Variants in FHOD3 observed in about 807,000 individuals in gnomAD.
FHOD3 encodes formin homology 2 domain containing 3, also known as FH1/FH2 domain-containing protein 3.
Under a neutral mutation model 173.0 loss-of-function variants are expected in FHOD3, and 90 were observed. That is an observed-to-expected ratio of 0.52 (90% CI 0.44 to 0.62). The LOEUF (loss-of-function observed/expected upper bound fraction) is 0.62, where lower values mean the gene tolerates loss of function less well. Ranked by LOEUF, FHOD3 falls within the 20% of genes least tolerant of loss-of-function variation. The pLI is 0.00. For missense variants in FHOD3, 1,945 were observed against 2,034.7 expected (o/e 0.96, Z 0.85); for synonymous variants, 828 against 823.0 (o/e 1.01, Z -0.10).
chr18:36,319,632 C>T lies in FHOD3; in HGVS notation c.165+21632C>T, dbSNP rs180804333. On this transcript the variant is annotated intron_variant, in intron 1 of 28. Coordinates refer to ENST00000590592, the MANE Select transcript of FHOD3 (RefSeq NM_001281740.3). Reference sequence around the variant, plus strand: ...GACTTGAACTCAGCTCTGGGCCAAGCGGACCTAATAGACATCTACAGGACT... The same window carrying T: ...GACTTGAACTCAGCTCTGGGCCAAGTGGACCTAATAGACATCTACAGGACT... 7.4e-3 allele frequency among the ~76,000 whole-genome samples: 1,130 copies of T among 152,240 alleles called. 21 individuals are homozygous for T. Among genetic ancestry groups the T allele is most frequent in the Admixed American group, 0.042 (646 of 15,280 alleles).
intron 1 of FHOD3, among the ~76,000 whole-genome samples, chr18:36,333,828 C>T (rs2045152708): frequency 6.6e-6 from 1 of 152,230 alleles, no homozygotes; most frequent in African/African-American, 2.4e-5. Context: ...TTGAGAACTG[C>T]TTCTCTATCC....
chr18:36,662,499 T>A (rs1268548707), intron 14 of FHOD3, among the ~76,000 whole-genome samples: 1 of 152,250 alleles, frequency 6.6e-6, no homozygotes, highest in Non-Finnish European at 1.5e-5. Flanking sequence ...ATGCCATTGT[T>A]TACTATAAAT....
intron 3 of FHOD3, among the ~76,000 whole-genome samples, chr18:36,419,964 T>C (rs964620734): frequency 8.5e-5 from 13 of 152,246 alleles, no homozygotes; most frequent in Admixed American, 3.9e-4. Context: ...TTGAGGAAGA[T>C]ACTGTATTGG....
Position 36,730,761 on chromosome 18 carries a change from T to C in FHOD3, c.3533T>C (p.Ile1178Thr). 1 of 1,614,196 alleles carries C rather than the reference T, an allele frequency of 6.2e-7. No homozygotes were observed. Among genetic ancestry groups the C allele is most frequent in the Non-Finnish European group, 8.5e-7 (1 of 1,180,026 alleles). ...LPPPRTIKIA[I>T]LNFDEYALNK... ...CCTCCAAGGACGATTAAGATCGCCA[T>C]TTTGAATTTTGATGAGTATGCCTTA... The change falls in exon 20 of 29, where the codon ATT (isoleucine) becomes ACT (threonine). Residue 1178 changes from isoleucine (I) to threonine (T), a missense_variant. Around this residue, in one of 5 missense-constraint regions of FHOD3, gnomAD observed 231 missense variants for 321.9 expected, o/e 0.72. Coordinates refer to ENST00000590592, the MANE Select transcript of FHOD3 (RefSeq NM_001281740.3).
chr18:36,603,872 G>A (rs1177502146), intron 8 of FHOD3, among the ~76,000 whole-genome samples: 2 of 152,188 alleles, frequency 1.3e-5, no homozygotes, highest in Non-Finnish European at 2.9e-5. Context: ...TAAGAAAATT[G>A]TTCACATGTC....
In FHOD3 at chr18:36,299,237, C is replaced by A. The variant is rs150852859; in HGVS notation, c.165+1237C>A. Among the ~76,000 whole-genome samples, 693 of 152,274 alleles carry A rather than the reference C, an allele frequency of 4.6e-3. 3 individuals carry two copies. Among genetic ancestry groups the A allele is most frequent in the African/African-American group, 0.016 (647 of 41,550 alleles). On this transcript the variant is annotated intron_variant, in intron 1 of 28. Transcript: ENST00000590592. ...AATAAGGAATGGGGCATTTCCATCT[C>A]ATTCTCTCCTGGTTGGTTCAGGACG...
At chr18:36,655,935 A>T (rs1448489073) in intron 13 of FHOD3, among the ~76,000 whole-genome samples, 1 of 152,222 alleles carries the variant, frequency 6.6e-6, no homozygotes, top group East Asian at 1.9e-4. Context: ...ATTTAAACAC[A>T]ATTTTAGCAA....
At chr18:36,309,122 TTG>T (rs2092182354) in intron 1 of FHOD3, among the ~76,000 whole-genome samples, 3 of 152,204 alleles carry the variant, frequency 2.0e-5, no homozygotes, top group African/African-American at 4.8e-5. Context: ...GGGGTGGGTA[TTG>T]GGGTCTTCTC....
intron 5 of FHOD3, among the ~76,000 whole-genome samples, chr18:36,558,599 G>A (rs1409185647): frequency 6.6e-6 from 1 of 152,118 alleles, no homozygotes; most frequent in Non-Finnish European, 1.5e-5. Context: ...GGAAACAGAT[G>A]TTACATACAC....
chr18:36,297,892 C>A lies in FHOD3; in HGVS notation c.57C>A (p.Ser19Arg). Reference sequence around the variant, plus strand: ...TGGACGACACGGACCCTTTCAACAGCACCAACTTCCCCGAGCCCAGCCGGC... The same window carrying A: ...TGGACGACACGGACCCTTTCAACAGAACCAACTTCCCCGAGCCCAGCCGGC... ...QFLDDTDPFN[S>R]TNFPEPSRPP... is the part of the protein sequence containing the mutation. The change falls in exon 1 of 29, where the codon AGC becomes AGA. Residue 19 changes from serine (S) to arginine (R), a missense_variant. By Grantham distance (110) the Ser-to-Arg change is moderately radical. Transcript: ENST00000590592. The A allele has an allele frequency of 3.2e-6, 5 of 1,559,150 alleles. No individual in the cohort carries two copies. Among genetic ancestry groups the A allele is most frequent in the Non-Finnish European group, 4.3e-6 (5 of 1,152,980 alleles).
intron 5 of FHOD3, among the ~76,000 whole-genome samples, chr18:36,572,515 T>C (rs1282553296): frequency 6.6e-6 from 1 of 152,200 alleles, no homozygotes; most frequent in African/African-American, 2.4e-5. Flanking sequence ...GTGGGAAAGA[T>C]TTGATTACCA....
intron 1 of FHOD3, among the ~76,000 whole-genome samples, chr18:36,329,403 T>C (rs1345601479): frequency 6.6e-6 from 1 of 152,172 alleles, no homozygotes; most frequent in Non-Finnish European, 1.5e-5. Context: ...TCTTCCCACC[T>C]GGAACCCACT....
intron 14 of FHOD3, among the ~76,000 whole-genome samples, chr18:36,677,195 G>C (rs1041631877): frequency 6.7e-6 from 1 of 150,074 alleles, no homozygotes; most frequent in African/African-American, 2.5e-5. Context: ...TTTTGCTTCT[G>C]TTGCCCAGGC....
Position 36,709,377 on chromosome 18 carries a change from G to C in FHOD3, c.2519G>C (p.Arg840Thr). Residue 840 changes from arginine to threonine, a missense_variant, in exon 18 of 29, where the codon AGG (arginine) becomes ACG (threonine). Arg to Thr is a moderately conservative substitution (Grantham distance 71). Around this residue, in one of 5 missense-constraint regions of FHOD3, gnomAD observed 1,099 missense variants for 1,051.2 expected, o/e 1.05. Coordinates refer to ENST00000590592, the MANE Select transcript of FHOD3 (RefSeq NM_001281740.3). ...GAGGAGAAGGAGGACAAGCTCTCCA[G>C]GGACAGGACAACTGGTAAATGAAGC... ...EREEKEDKLS[R>T]DRTTGLWPAG... 6.2e-7 allele frequency: 1 copy of C among 1,612,932 alleles called. No individual in the cohort carries two copies. The highest frequency in any genetic ancestry group is 8.5e-7 in the Non-Finnish European group (1 of 1,179,206).
chr18:36,451,822 A>G (rs1294618657), intron 3 of FHOD3, among the ~76,000 whole-genome samples: 1 of 152,184 alleles, frequency 6.6e-6, no homozygotes, highest in Non-Finnish European at 1.5e-5. Context: ...TTTGTCCGTC[A>G]TGTCATGGAT....
intron 18 of FHOD3, 39 bp downstream of exon 18, chr18:36,709,430 G>A (rs2040050703): frequency 6.3e-7 from 1 of 1,582,902 alleles, no homozygotes; most frequent in Non-Finnish European, 8.6e-7. Flanking sequence ...ATGTGCCAGG[G>A]AGGCCTGGGG....
chr18:36,512,612 T>G lies in FHOD3; in HGVS notation c.511+69T>G, dbSNP rs2055719466. 4 of 1,127,996 alleles carry G rather than the reference T, an allele frequency of 3.5e-6. No homozygotes were observed. The Admixed American group carries it at 5.5e-5, about 15-fold the overall frequency. 69.9% of individuals were successfully genotyped at this position (1,127,996 alleles called of 1,614,324 possible). Reference sequence around the variant, plus strand: ...GGGATCTGGGTTCACCTTCAGGAACTTAACTACTGAGAGCTTTTTAAAAGA... The same window carrying G: ...GGGATCTGGGTTCACCTTCAGGAACGTAACTACTGAGAGCTTTTTAAAAGA... On this transcript the variant is annotated intron_variant, in intron 5 of 28. Transcript: ENST00000590592.
Position 36,355,574 on chromosome 18 carries a change from C to G in FHOD3, c.201C>G (p.Gly67=), listed in dbSNP as rs755295066. ...GTACTCTGCAGCTCTCTCACAATGG[C>G]GCCTACCTGGATTTGGAGGCCACCC... is the stretch of plus-strand genomic sequence containing the variant. ...DDCTLQLSHN[G]AYLDLEATLA... is the part of the protein sequence containing the mutation. The change falls in exon 2 of 29, where the codon GGC becomes GGG. Residue 67 remains glycine (G), a synonymous_variant. Coordinates refer to ENST00000590592, the MANE Select transcript of FHOD3 (RefSeq NM_001281740.3). The G allele has an allele frequency of 6.2e-7, 1 of 1,614,128 alleles. No homozygotes were observed.
chr18:36,559,223 G>A (rs775124528), intron 5 of FHOD3, among the ~76,000 whole-genome samples: 1 of 152,150 alleles, frequency 6.6e-6, no homozygotes, highest in African/African-American at 2.4e-5. Flanking sequence ...TTTCAAAACT[G>A]TCCAGCGTTT....
Sources: allele counts gnomAD v4.1 joint callset (sites outside exome capture counted in the v4.1 genomes callset), GRCh38; gene constraint gnomAD v4.1.1; regional missense constraint gnomAD v4.1.1; transcripts MANE v1.5; gene names NCBI Gene and HGNC (gene_info 2026-07-23, HGNC 2026-07-21).